Variants in GIN1 observed in about 807,000 individuals in gnomAD.
GIN1 encodes the protein gypsy retrotransposon integrase-like protein 1.
GIN1 carries 41 observed loss-of-function variants against 51.4 expected under a neutral mutation model. The observed-to-expected ratio is 0.80, with a 90% CI of 0.62 to 1.04. The LOEUF is 1.04. Among genes scored for constraint, GIN1 ranks in the 50% least tolerant of loss-of-function variants. GIN1 has a pLI of 0.00. For missense variants in GIN1, 610 were observed against 612.4 expected, an observed-to-expected ratio of 1.00 and a Z score of 0.04; for synonymous variants, 222 against 206.5, an observed-to-expected ratio of 1.07 and a Z score of -0.64.
chr5:103,110,976 A>C (rs1356738924), intron 1 of GIN1, among the ~76,000 whole-genome samples: 8 of 152,054 alleles, frequency 5.3e-5, no homozygotes, highest in Non-Finnish European at 2.9e-5. Context: ...AATCTGCCAC[A>C]TAAGACCTCC....
At chr5:103,118,228 G>A (rs1788098722) in intron 1 of GIN1, among the ~76,000 whole-genome samples, 1 of 152,096 alleles carries the variant, frequency 6.6e-6, no homozygotes, top group South Asian at 2.1e-4. Flanking sequence ...GGCACTATAA[G>A]TAAACTGTGT....
chr5:103,090,650 T>A (rs115073086), intron 7 of GIN1, among the ~76,000 whole-genome samples: 2,734 of 152,250 alleles, frequency 0.018, 81 homozygotes, highest in African/African-American at 0.061. Context: ...AGGTTTTCTG[T>A]CTGTAAAAGT....
chr5:103,103,238 C>T (rs1262123448), intron 4 of GIN1, among the ~76,000 whole-genome samples: 1 of 152,206 alleles, frequency 6.6e-6, no homozygotes, highest in African/African-American at 2.4e-5. Flanking sequence ...CTCTAGTGAG[C>T]TTCCTTATGT....
At chr5:103,101,247 G>A (rs569828159) in intron 4 of GIN1, among the ~76,000 whole-genome samples, 1 of 152,312 alleles carries the variant, frequency 6.6e-6, no homozygotes, top group African/African-American at 2.4e-5. Context: ...GACTAATGAT[G>A]GGGAGAGAGT....
chr5:103,099,261 C>CTCT (rs1360265973), intron 4 of GIN1, among the ~76,000 whole-genome samples: 2 of 152,104 alleles, frequency 1.3e-5, no homozygotes, highest in Non-Finnish European at 2.9e-5. Flanking sequence ...GCCCAACACT[C>CTCT]TCTCCCTTCT....
intron 7 of GIN1, 30 bp downstream of exon 7, chr5:103,096,511 T>C: frequency 1.3e-6 from 2 of 1,501,564 alleles, no homozygotes; most frequent in Admixed American, 3.8e-5. Flanking sequence ...CCTAAAGCAA[T>C]AAAAATGTAG....
chr5:103,116,388 CTT>C (rs1788030012), intron 1 of GIN1, among the ~76,000 whole-genome samples: 1 of 152,048 alleles, frequency 6.6e-6, no homozygotes, highest in Admixed American at 6.5e-5. Flanking sequence ...AAAGGATAAT[CTT>C]TTCAACAAAT....
intron 1 of GIN1, among the ~76,000 whole-genome samples, chr5:103,109,156 T>G (rs990581932): frequency 1.3e-5 from 2 of 152,026 alleles, no homozygotes; most frequent in Non-Finnish European, 2.9e-5. Flanking sequence ...TATTCATGGT[T>G]ATTTCTTCTT....
rs1181625001 is a variant in GIN1 at position 103,087,840 on chromosome 5, A to C, written c.*58T>G. The C allele has an allele frequency of 1.6e-5, 11 of 698,118 alleles. No homozygotes were observed. The highest frequency in any genetic ancestry group is 2.3e-5 in the Non-Finnish European group (10 of 430,222). The allele number at this position is 698,118 out of a possible 1,614,324, so 43.2% of individuals were successfully genotyped here. A position where few individuals can be genotyped will look rare whatever the true frequency, so the allele number is the denominator to read the frequency against. On this transcript the variant is annotated 3_prime_UTR_variant, in exon 8 of 8. Transcript: ENST00000399004. The stretch of plus-strand genomic sequence containing the variant: ...CTTCTATACAACGTTTTTAATGAAT[A>C]AGATATCATTAAGAATTTATATTCT...
At chr5:103,098,661 G>A (rs1787478304) in intron 4 of GIN1, among the ~76,000 whole-genome samples, 1 of 151,940 alleles carries the variant, frequency 6.6e-6, no homozygotes, top group Admixed American at 6.6e-5. Context: ...GTTTCACCAT[G>A]TTGCCCAGGC....
chr5:103,110,694 C>CA lies in GIN1; in HGVS notation c.-7-1981dup, dbSNP rs566266572. 4.1e-4 allele frequency among the ~76,000 whole-genome samples: 63 copies of CA among 152,202 alleles called. 1 individual carries two copies. The South Asian group carries it at 9.1e-3, about 22-fold the overall frequency. On this transcript the variant is annotated intron_variant, in intron 1 of 7. Transcript: ENST00000399004. ...ACTGAGTTTCTTCTAAAGCTGAGCA[C>CA]AAATTTACCCTAAAGGTTTGGCAAT... is the stretch of plus-strand genomic sequence containing the variant.
At chr5:103,096,940 G>T in intron 6 of GIN1, 114 bp from the exon 7 acceptor site, 1 of 668,684 alleles carries the variant, frequency 1.5e-6, no homozygotes, top group Non-Finnish European at 2.5e-6. Context: ...CTACTAAAAG[G>T]TAGGTATGAA....
At chr5:103,115,184 T>C (rs887635845) in intron 1 of GIN1, among the ~76,000 whole-genome samples, 17 of 152,194 alleles carry the variant, frequency 1.1e-4, no homozygotes, top group African/African-American at 4.1e-4. Flanking sequence ...TAGATTCTCT[T>C]GACCTTCATT....
chr5:103,097,286 T>C (rs200543823), intron 6 of GIN1, 28 bp downstream of exon 6: 2 of 1,368,196 alleles, frequency 1.5e-6, no homozygotes, highest in Non-Finnish European at 2.1e-6. Context: ...AAGTTTTAGA[T>C]TACAGTTTTT....
At chr5:103,093,644 T>C (rs1554194754) in intron 7 of GIN1, among the ~76,000 whole-genome samples, 1 of 152,218 alleles carries the variant, frequency 6.6e-6, no homozygotes, top group Non-Finnish European at 1.5e-5. Context: ...AAATGGGGCT[T>C]TCAACTGTGA....
At chr5:103,092,619 T>G (rs1418738406) in intron 7 of GIN1, among the ~76,000 whole-genome samples, 3 of 152,086 alleles carry the variant, frequency 2.0e-5, no homozygotes, top group Non-Finnish European at 4.4e-5. Flanking sequence ...TAACTAATAC[T>G]GTCAACAGAT....
Position 103,096,471 on chromosome 5 carries a change from G to T in GIN1, c.1294+70C>A, listed in dbSNP as rs1223744969. 5.4e-6 allele frequency: 6 copies of T among 1,120,106 alleles called. No homozygotes were observed. In the Admixed American group the frequency reaches 1.4e-4, roughly 25 times the overall value. 69.4% of individuals were successfully genotyped at this position (1,120,106 alleles called of 1,614,324 possible). A position where few individuals can be genotyped will look rare whatever the true frequency, so the allele number is the denominator to read the frequency against. On this transcript the variant is annotated intron_variant, in intron 7 of 7. Coordinates refer to ENST00000399004, the MANE Select transcript of GIN1 (RefSeq NM_017676.2). Reference sequence around the variant, plus strand: ...AAAACCTAACAAAAGAGGGGAGAAAGGTTTCTGTTATTTTTAACTATTCTC... The same window carrying T: ...AAAACCTAACAAAAGAGGGGAGAAATGTTTCTGTTATTTTTAACTATTCTC...
At chr5:103,106,067 T>G (rs1390408493) in intron 3 of GIN1, among the ~76,000 whole-genome samples, 1 of 152,098 alleles carries the variant, frequency 6.6e-6, no homozygotes, top group Non-Finnish European at 1.5e-5. Flanking sequence ...ATTAAGGAGA[T>G]CTCACAGATA....
At chr5:103,091,926 G>A (rs1288985426) in intron 7 of GIN1, among the ~76,000 whole-genome samples, 1 of 151,920 alleles carries the variant, frequency 6.6e-6, no homozygotes, top group Non-Finnish European at 1.5e-5. Context: ...TCAGGAGGCC[G>A]AGGTAGGAGA....
Sources: gnomAD v4.1 joint callset for allele counts (sites outside exome capture counted in the v4.1 genomes callset) on GRCh38, gnomAD v4.1.1 for gene constraint, MANE v1.5 for transcripts, NCBI Gene and HGNC (gene_info 2026-07-23, HGNC 2026-07-21) for gene names.